The following KCNT2 variants were observed in gnomAD, a reference collection of about 807,000 sequenced individuals.
The protein encoded by KCNT2 is potassium channel subfamily T member 2.
Under a neutral mutation model 153.8 loss-of-function variants are expected in KCNT2, and 67 were observed. The ratio of observed to expected loss-of-function variants is 0.44; its 90% CI spans 0.36 to 0.53. The LOEUF is 0.53. Ranked by LOEUF, KCNT2 falls within the 20% of genes least tolerant of loss-of-function variation. KCNT2 has a pLI of 0.00. For synonymous variants in KCNT2, 500 were observed against 458.8 expected, an observed-to-expected ratio of 1.09 and a Z score of -1.15; for missense variants, 975 against 1,354.8, an observed-to-expected ratio of 0.72 and a Z score of 4.40.
At chr1:196,465,085 A>T (rs1677489543) in intron 8 of KCNT2, among the ~76,000 whole-genome samples, 2 of 152,052 alleles carry the variant, frequency 1.3e-5, no homozygotes. Context: ...GTATATATCA[A>T]TAGCAAATGA....
At chr1:196,348,534 T>C (rs1176414749) in intron 14 of KCNT2, among the ~76,000 whole-genome samples, 1 of 152,202 alleles carries the variant, frequency 6.6e-6, no homozygotes, top group Non-Finnish European at 1.5e-5. Flanking sequence ...TTCTACTATA[T>C]TGACTAGTCA....
chr1:196,539,347 T>TG (rs1313365782), intron 1 of KCNT2, among the ~76,000 whole-genome samples: 1 of 152,182 alleles, frequency 6.6e-6, no homozygotes, highest in Non-Finnish European at 1.5e-5. Context: ...CAGGCTTTCT[T>TG]AAATCATTAT....
chr1:196,575,733 C>CAGCACT (rs5779839), intron 1 of KCNT2, among the ~76,000 whole-genome samples: 127,256 of 151,418 alleles, frequency 0.84, 57,640 homozygotes, highest in Non-Finnish European at 1. Flanking sequence ...CACACCTGTA[C>CAGCACT]TTGGGAGGCT....
intron 1 of KCNT2, among the ~76,000 whole-genome samples, chr1:196,493,618 G>T (rs1214994224): frequency 1.3e-5 from 2 of 151,736 alleles, no homozygotes; most frequent in African/African-American, 2.4e-5. Flanking sequence ...TTGTTACATG[G>T]GTATACACAT....
chr1:196,511,548 G>C (rs1681632440), intron 1 of KCNT2, among the ~76,000 whole-genome samples: 1 of 152,092 alleles, frequency 6.6e-6, no homozygotes, highest in African/African-American at 2.4e-5. Flanking sequence ...GTTTGCTAGG[G>C]CTGCTATAGC....
chr1:196,331,550 A>G (rs1664464614), intron 17 of KCNT2, among the ~76,000 whole-genome samples: 1 of 152,058 alleles, frequency 6.6e-6, no homozygotes, highest in African/African-American at 2.4e-5. Flanking sequence ...AAATTTCAGT[A>G]TCTATAAATA....
At chr1:196,367,303 A>T (rs922911234) in intron 14 of KCNT2, among the ~76,000 whole-genome samples, 1 of 152,142 alleles carries the variant, frequency 6.6e-6, no homozygotes, top group Non-Finnish European at 1.5e-5. Flanking sequence ...GCATCACCAA[A>T]TTTGAGCTCT....
intron 1 of KCNT2, among the ~76,000 whole-genome samples, chr1:196,561,796 GAGATA>G (rs1659453178): frequency 6.6e-6 from 1 of 151,430 alleles, no homozygotes; most frequent in African/African-American, 2.4e-5. Context: ...AGGCAGACAA[GAGATA>G]AGATATTAAT....
At chr1:196,504,091 A>G (rs1464235455) in intron 1 of KCNT2, among the ~76,000 whole-genome samples, 2 of 152,176 alleles carry the variant, frequency 1.3e-5, no homozygotes, top group East Asian at 1.9e-4. Context: ...GGTTTTTTTA[A>G]TTATTATTAT....
At chr1:196,552,087 A>G (rs1657985125) in intron 1 of KCNT2, among the ~76,000 whole-genome samples, 1 of 151,506 alleles carries the variant, frequency 6.6e-6, no homozygotes, top group Non-Finnish European at 1.5e-5. Context: ...TCTTCTTTCA[A>G]GTCATCACAT....
chr1:196,590,434 A>G (rs1663205735), intron 1 of KCNT2, among the ~76,000 whole-genome samples: 1 of 152,158 alleles, frequency 6.6e-6, no homozygotes, highest in African/African-American at 2.4e-5. Context: ...TAAGAAAGAG[A>G]AATAGTGTAA....
chr1:196,526,651 C>T (rs1654253159), intron 1 of KCNT2, among the ~76,000 whole-genome samples: 5 of 152,070 alleles, frequency 3.3e-5, no homozygotes, highest in Admixed American at 3.3e-4. Context: ...TGGGGTTTCA[C>T]CATGTTGGCC....
At chr1:196,484,785 C>T (rs548474590) in intron 3 of KCNT2, among the ~76,000 whole-genome samples, 38 of 152,002 alleles carry the variant, frequency 2.5e-4, no homozygotes, top group African/African-American at 8.9e-4. Context: ...AATAGGAGAT[C>T]CTTTTTAAAA....
At position 196,272,391 on chromosome 1, in the gene KCNT2, G is replaced by A. The variant is rs150966692; in HGVS notation, c.2910+8469C>T. 3.9e-3 allele frequency among the ~76,000 whole-genome samples: 585 copies of A among 151,862 alleles called. 4 individuals are homozygous for A. Among genetic ancestry groups the A allele is most frequent in the Non-Finnish European group, 4.4e-3 (301 of 67,792 alleles). ...TAAATCCACCAAAATTAATTAAATC[G>A]AAGAAAGGCCATGAAGTTTTTATGT... On this transcript the variant is annotated intron_variant, in intron 25 of 27. Transcript: ENST00000294725.
chr1:196,506,687 A>G (rs1681174308), intron 1 of KCNT2, among the ~76,000 whole-genome samples: 1 of 152,174 alleles, frequency 6.6e-6, no homozygotes, highest in East Asian at 1.9e-4. Context: ...AGCCTAATAA[A>G]TAACTCAATT....
intron 13 of KCNT2, among the ~76,000 whole-genome samples, chr1:196,381,856 A>G (rs981561702): frequency 2.0e-5 from 3 of 152,148 alleles, no homozygotes; most frequent in African/African-American, 7.2e-5. Context: ...GATCAGTTTC[A>G]TTCCTTTTCA....
At chr1:196,474,823 C>T (rs140972718) in intron 5 of KCNT2, among the ~76,000 whole-genome samples, 192 of 152,202 alleles carry the variant, frequency 1.3e-3, no homozygotes, top group African/African-American at 4.5e-3. Context: ...TTTGTTTTGC[C>T]AACTAGCTAT....
intron 1 of KCNT2, among the ~76,000 whole-genome samples, chr1:196,511,506 G>A (rs1681628601): frequency 1.3e-5 from 2 of 152,170 alleles, no homozygotes. Flanking sequence ...TATGGAAGGG[G>A]AGACAGAGAG....
At chr1:196,262,690 C>T (rs1201378012) in intron 25 of KCNT2, among the ~76,000 whole-genome samples, 2 of 151,840 alleles carry the variant, frequency 1.3e-5, no homozygotes, top group East Asian at 1.9e-4. Context: ...TTAATATGTA[C>T]ACGTGGTCTG....
Sources: gnomAD v4.1 joint callset for allele counts (sites outside exome capture counted in the v4.1 genomes callset) on GRCh38, gnomAD v4.1.1 for gene constraint, MANE v1.5 for transcripts, NCBI Gene and HGNC (gene_info 2026-07-23, HGNC 2026-07-21) for gene names.